The following PRDM16 variants were observed in gnomAD, a reference collection of about 807,000 sequenced individuals.
PRDM16 encodes histone-lysine N-methyltransferase PRDM16.
Under a neutral mutation model 110.6 loss-of-function variants are expected in PRDM16, and 23 were observed. That is an observed-to-expected ratio of 0.21 (90% CI 0.15 to 0.29). PRDM16 has a LOEUF of 0.29. PRDM16 is among the 10% of genes least tolerant of loss of function. PRDM16 has a pLI of 1.00. For missense variants in PRDM16, 1,615 were observed against 1,794.3 expected, an observed-to-expected ratio of 0.90 and a Z score of 1.81; for synonymous variants, 799 against 781.8, an observed-to-expected ratio of 1.02 and a Z score of -0.37.
intron 2 of PRDM16, among the ~76,000 whole-genome samples, chr1:3,215,691 G>A (rs1378641592): frequency 6.6e-6 from 1 of 152,166 alleles, no homozygotes. Context: ...TTCCCACTGG[G>A]CGTGGAGGGA....
chr1:3,142,107 G>C (rs569521062), intron 1 of PRDM16, among the ~76,000 whole-genome samples: 1 of 152,220 alleles, frequency 6.6e-6, no homozygotes, highest in Non-Finnish European at 1.5e-5. Context: ...CGTGAGAAAC[G>C]GAGCTGCCCC....
intron 15 of PRDM16, 126 bp downstream of exon 15, chr1:3,431,234 C>T (rs1638759648): frequency 7.1e-7 from 1 of 1,415,568 alleles, no homozygotes; most frequent in Non-Finnish European, 9.4e-7. Context: ...AGCACAGCCA[C>T]CTCAGGGCCT....
At chr1:3,408,866 A>G (rs28437356) in intron 8 of PRDM16, among the ~76,000 whole-genome samples, 1 of 110,118 alleles carries the variant, frequency 9.1e-6, no homozygotes, top group Non-Finnish European at 1.8e-5. Context: ...GAGGGTGGGC[A>G]CGTGAGCTGG....
chr1:3,276,895 C>G (rs973510464), intron 3 of PRDM16, among the ~76,000 whole-genome samples: 1 of 152,194 alleles, frequency 6.6e-6, no homozygotes, highest in Non-Finnish European at 1.5e-5. Flanking sequence ...TGGGCTTGGT[C>G]AAGTTCAGCA....
At chr1:3,166,682 T>G (rs2817126) in intron 1 of PRDM16, among the ~76,000 whole-genome samples, 72,334 of 151,988 alleles carry the variant, frequency 0.48, 17,310 homozygotes, top group South Asian at 0.65. Context: ...CCACCTCCCA[T>G]CACCCAGGGA....
intron 3 of PRDM16, among the ~76,000 whole-genome samples, chr1:3,348,780 G>T (rs1270104993): frequency 1.3e-5 from 2 of 152,184 alleles, no homozygotes; most frequent in African/African-American, 2.4e-5. Flanking sequence ...TGGGGTGGGG[G>T]CCCTGGGGCT....
chr1:3,139,771 A>C (rs1643510706), intron 1 of PRDM16, among the ~76,000 whole-genome samples: 1 of 152,200 alleles, frequency 6.6e-6, no homozygotes, highest in South Asian at 2.1e-4. Context: ...CAGGAAAGGG[A>C]GCTGCTCCCG....
intron 4 of PRDM16, 150 bp downstream of exon 4, chr1:3,385,436 G>A: frequency 1.2e-6 from 1 of 853,584 alleles, no homozygotes; most frequent in Non-Finnish European, 1.8e-6. Flanking sequence ...GGTGCTGTTT[G>A]GTGCTTGGCC....
At position 3,385,158 on chromosome 1, in the gene PRDM16, G is replaced by A. The variant is rs576922307; in HGVS notation, c.445G>A (p.Glu149Lys). 75 of 1,613,410 alleles carry A rather than the reference G, an allele frequency of 4.6e-5. No homozygotes were observed. Among genetic ancestry groups the A allele is most frequent in the Non-Finnish European group, 6.0e-5 (71 of 1,180,024 alleles). ...TTCGCTTTCCTCCCAGCAGATCTCC[G>A]AAGACCTGGGCAGTGAGAAGTTCTG... ...PQEGCITKISEDLGSEKFCVD... is the reference protein window; with the variant it reads ...PQEGCITKISKDLGSEKFCVD... Residue 149 changes from glutamate to lysine, a missense_variant, in exon 4 of 17, where the codon GAA becomes AAA. Glu to Lys is a moderately conservative substitution (Grantham distance 56). Around this residue, in one of 5 missense-constraint regions of PRDM16, gnomAD observed 416 missense variants for 467.1 expected, o/e 0.89. Transcript: ENST00000270722.
chr1:3,366,492 G>A (rs1011645122), intron 3 of PRDM16, among the ~76,000 whole-genome samples: 1 of 152,204 alleles, frequency 6.6e-6, no homozygotes, highest in Non-Finnish European at 1.5e-5. Flanking sequence ...GGGCCTCCCA[G>A]CCTCCGTAGC....
intron 2 of PRDM16, among the ~76,000 whole-genome samples, chr1:3,237,340 C>T (rs1272881360): frequency 6.6e-6 from 1 of 152,102 alleles, no homozygotes; most frequent in African/African-American, 2.4e-5. Flanking sequence ...TCACTCCCAG[C>T]CCCATCACCT....
intron 2 of PRDM16, among the ~76,000 whole-genome samples, chr1:3,225,973 C>T (rs938296188): frequency 6.6e-6 from 1 of 152,258 alleles, no homozygotes; most frequent in African/African-American, 2.4e-5. Flanking sequence ...ATCCGTGCCT[C>T]AGCCCTTAGT....
intron 1 of PRDM16, among the ~76,000 whole-genome samples, chr1:3,088,556 C>T (rs1642202588): frequency 3.3e-5 from 5 of 150,798 alleles, no homozygotes; most frequent in Admixed American, 6.6e-5. Context: ...AGCTCCGCCT[C>T]CTGGGTTCAA....
At chr1:3,378,214 C>A (rs1020695615) in intron 3 of PRDM16, among the ~76,000 whole-genome samples, 2 of 152,208 alleles carry the variant, frequency 1.3e-5, no homozygotes, top group Non-Finnish European at 2.9e-5. Flanking sequence ...GTTTCTTCCA[C>A]CGATCCCTGA....
chr1:3,113,583 C>CGTCACT (rs1298132091), intron 1 of PRDM16, among the ~76,000 whole-genome samples: 1 of 152,174 alleles, frequency 6.6e-6, no homozygotes, highest in Non-Finnish European at 1.5e-5. Flanking sequence ...CTGGCCTTGG[C>CGTCACT]GTCACTGACA....
chr1:3,159,597 G>T (rs1643883138), intron 1 of PRDM16, among the ~76,000 whole-genome samples: 1 of 152,200 alleles, frequency 6.6e-6, no homozygotes, highest in Non-Finnish European at 1.5e-5. Context: ...GTCCCATTCT[G>T]ATATCCTGGG....
chr1:3,417,590 G>A (rs1410508554), intron 10 of PRDM16, among the ~76,000 whole-genome samples: 4 of 152,190 alleles, frequency 2.6e-5, no homozygotes, highest in Non-Finnish European at 5.9e-5. Flanking sequence ...AGCTCCTGCA[G>A]GAAAGACCTT....
chr1:3,429,869 G>T (rs991257511), intron 14 of PRDM16, among the ~76,000 whole-genome samples: 1 of 152,234 alleles, frequency 6.6e-6, no homozygotes, highest in African/African-American at 2.4e-5. Flanking sequence ...AGACACGGAG[G>T]TCGGTCGCCG....
intron 1 of PRDM16, among the ~76,000 whole-genome samples, chr1:3,094,701 T>C (rs1642354562): frequency 6.6e-6 from 1 of 152,252 alleles, no homozygotes. Context: ...GCAGACATTC[T>C]GTGAGCACCG....
Sources: gnomAD v4.1 joint callset for allele counts (sites outside exome capture counted in the v4.1 genomes callset) on GRCh38, gnomAD v4.1.1 for gene constraint, gnomAD v4.1.1 regional missense constraint, MANE v1.5 for transcripts, NCBI Gene and HGNC (gene_info 2026-07-23, HGNC 2026-07-21) for gene names.